Variants in RALYL observed in about 807,000 individuals in gnomAD.
RALYL encodes the protein RNA-binding Raly-like protein.
In RALYL, 29 loss-of-function variants were observed where a neutral mutation model predicts 35.1. The ratio of observed to expected loss-of-function variants is 0.83; its 90% CI spans 0.61 to 1.13. The LOEUF (loss-of-function observed/expected upper bound fraction) is 1.13. Among genes scored for constraint, RALYL ranks in the 50% most tolerant of loss-of-function variants. RALYL has a pLI of 0.00. For synonymous variants in RALYL, 120 were observed against 127.6 expected (o/e 0.94, Z 0.40); for missense variants, 359 against 360.4 (o/e 1.00, Z 0.03).
intron 1 of RALYL, among the ~76,000 whole-genome samples, chr8:84,425,710 C>T (rs1394564721): frequency 6.6e-6 from 1 of 152,062 alleles, no homozygotes; most frequent in Non-Finnish European, 1.5e-5. Flanking sequence ...ACTCCAGAGA[C>T]CCTCCAGAAA....
At chr8:84,338,436 G>A (rs1332251841) in intron 1 of RALYL, among the ~76,000 whole-genome samples, 1 of 149,190 alleles carries the variant, frequency 6.7e-6, no homozygotes, top group Non-Finnish European at 1.5e-5. Flanking sequence ...ACAAATCTAA[G>A]AGGATAAAAT....
chr8:84,738,709 G>C (rs998916225), intron 2 of RALYL, among the ~76,000 whole-genome samples: 3 of 151,918 alleles, frequency 2.0e-5, no homozygotes, highest in African/African-American at 7.2e-5. Context: ...TTAGCACATT[G>C]TAAACCATAA....
chr8:84,425,385 G>A (rs1025085941), intron 1 of RALYL, among the ~76,000 whole-genome samples: 5 of 152,156 alleles, frequency 3.3e-5, no homozygotes, highest in Admixed American at 6.5e-5. Context: ...CCCAGGTGAG[G>A]CAATGCCTCG....
At chr8:84,812,197 G>T (rs1376295187) in intron 4 of RALYL, among the ~76,000 whole-genome samples, 1 of 152,076 alleles carries the variant, frequency 6.6e-6, no homozygotes, top group African/African-American at 2.4e-5. Flanking sequence ...GAGTTCTCTT[G>T]ATGTAGTACT....
chr8:84,560,294 A>G (rs989314925), intron 2 of RALYL, among the ~76,000 whole-genome samples: 2 of 152,022 alleles, frequency 1.3e-5, no homozygotes, highest in African/African-American at 2.4e-5. Flanking sequence ...ATAGGAAAAG[A>G]GACAATTTCT....
At chr8:84,188,215 C>A (rs185955319) in intron 1 of RALYL, among the ~76,000 whole-genome samples, 1 of 151,998 alleles carries the variant, frequency 6.6e-6, no homozygotes, top group East Asian at 1.9e-4. Flanking sequence ...GCCATGAAAT[C>A]TTTATTTTTA....
chr8:84,519,798 C>T (rs1290453359), intron 1 of RALYL, among the ~76,000 whole-genome samples: 1 of 152,162 alleles, frequency 6.6e-6, no homozygotes, highest in Non-Finnish European at 1.5e-5. Flanking sequence ...TCTTCTTCTC[C>T]ACTTTAGTCT....
intron 4 of RALYL, among the ~76,000 whole-genome samples, chr8:84,844,910 T>A (rs550077763): frequency 6.6e-6 from 1 of 151,928 alleles, no homozygotes; most frequent in Non-Finnish European, 1.5e-5. Context: ...TAGGTGGGAA[T>A]TGAACGATGA....
chr8:84,820,151 G>A (rs1293537491), intron 4 of RALYL, among the ~76,000 whole-genome samples: 1 of 152,134 alleles, frequency 6.6e-6, no homozygotes, highest in Non-Finnish European at 1.5e-5. Flanking sequence ...TGTTAAAATT[G>A]TAACTTAAAT....
intron 2 of RALYL, among the ~76,000 whole-genome samples, chr8:84,732,707 A>AT (rs1281837378): frequency 9.7e-6 from 1 of 102,674 alleles, no homozygotes; most frequent in African/African-American, 4.7e-5. Flanking sequence ...CATATATATA[A>AT]TTTTTTTTAG....
chr8:84,467,421 A>G (rs1287378915), intron 1 of RALYL, among the ~76,000 whole-genome samples: 1 of 149,764 alleles, frequency 6.7e-6, no homozygotes, highest in Non-Finnish European at 1.5e-5. Context: ...ATTCAGGAGC[A>G]GATTGTTCAG....
intron 2 of RALYL, among the ~76,000 whole-genome samples, chr8:84,552,889 C>A (rs1406886731): frequency 1.3e-5 from 2 of 151,618 alleles, no homozygotes; most frequent in Non-Finnish European, 2.9e-5. Flanking sequence ...TAAAATAAGA[C>A]AAAGTGATAA....
At chr8:84,866,570 T>C (rs1839210845) in intron 6 of RALYL, among the ~76,000 whole-genome samples, 1 of 152,138 alleles carries the variant, frequency 6.6e-6, no homozygotes, top group Non-Finnish European at 1.5e-5. Flanking sequence ...GGTACTTGCT[T>C]GCTGTGCCTT....
intron 4 of RALYL, among the ~76,000 whole-genome samples, chr8:84,844,038 C>A (rs1157338507): frequency 2.6e-5 from 4 of 152,118 alleles, no homozygotes; most frequent in Admixed American, 2.6e-4. Flanking sequence ...TAGGCAATAC[C>A]ATTCAGGACA....
At chr8:84,877,945 T>G (rs929896641) in intron 7 of RALYL, among the ~76,000 whole-genome samples, 6 of 152,172 alleles carry the variant, frequency 3.9e-5, no homozygotes, top group African/African-American at 1.4e-4. Flanking sequence ...AATTGAGCAG[T>G]GTTTTCTCTT....
chr8:84,500,955 T>C lies in RALYL; in HGVS notation c.-23-28344T>C, dbSNP rs565460088. 1.3e-4 allele frequency among the ~76,000 whole-genome samples: 20 copies of C among 152,306 alleles called. 2 individuals are homozygous for C. In the South Asian group the frequency reaches 3.9e-3, roughly 30 times the overall value. On this transcript the variant is annotated intron_variant, in intron 1 of 8. Coordinates refer to ENST00000521268, the MANE Select transcript of RALYL (RefSeq NM_173848.7). ...AATTATTTGGAATGACAAGATGATA[T>C]AAAACAATAATCTTCAATTCTGGCT...
At chr8:84,819,068 A>C (rs1195344930) in intron 4 of RALYL, among the ~76,000 whole-genome samples, 1 of 152,070 alleles carries the variant, frequency 6.6e-6, no homozygotes, top group African/African-American at 2.4e-5. Flanking sequence ...AATTTTCTCT[A>C]TGTCTGCAGG....
chr8:84,650,201 T>C (rs1352699766), intron 2 of RALYL, among the ~76,000 whole-genome samples: 1 of 152,060 alleles, frequency 6.6e-6, no homozygotes, highest in Non-Finnish European at 1.5e-5. Flanking sequence ...TGGGGTTTTC[T>C]AGATATACAA....
intron 5 of RALYL, among the ~76,000 whole-genome samples, chr8:84,853,023 AT>A: frequency 6.6e-6 from 1 of 152,226 alleles, no homozygotes; most frequent in Non-Finnish European, 1.5e-5. Flanking sequence ...TTAAAGCAAA[AT>A]TAGGAATGCT....
Sources: allele counts gnomAD v4.1 joint callset (sites outside exome capture counted in the v4.1 genomes callset), GRCh38; gene constraint gnomAD v4.1.1; transcripts MANE v1.5; gene names NCBI Gene and HGNC (gene_info 2026-07-23, HGNC 2026-07-21).